Variants in PAM observed in about 807,000 individuals in gnomAD.
PAM encodes peptidylglycine alpha-amidating monooxygenase.
Under a neutral mutation model 122.1 loss-of-function variants are expected in PAM, and 72 were observed. The ratio of observed to expected loss-of-function variants is 0.59; its 90% CI spans 0.49 to 0.72. PAM has a LOEUF of 0.72. Ranked by LOEUF, PAM falls within the 30% of genes least tolerant of loss-of-function variation. PAM has a pLI of 0.00. For synonymous variants in PAM, 389 were observed against 404.4 expected (o/e 0.96, Z 0.46); for missense variants, 1,106 against 1,183.7 (o/e 0.93, Z 0.96).
At chr5:103,023,333 C>T (rs999095788) in intron 23 of PAM, among the ~76,000 whole-genome samples, 3 of 151,870 alleles carry the variant, frequency 2.0e-5, no homozygotes, top group African/African-American at 7.3e-5. Flanking sequence ...CTGGTAATAC[C>T]CACCTTCAAA....
In PAM at chr5:102,867,370, A is replaced by C. The variant is rs759259940; in HGVS notation, c.187A>C (p.Met63Leu). 1 of 1,610,066 alleles carries C rather than the reference A, an allele frequency of 6.2e-7. No homozygotes were observed. The highest frequency in any genetic ancestry group is 8.5e-7 in the Non-Finnish European group (1 of 1,176,496). The stretch of plus-strand genomic sequence containing the variant: ...ATCAGATTTTGCATTGGATATTCGC[A>C]TGCCTGGGGTTACACCTAAACAGGT... ...DSSDFALDIRMPGVTPKQSDT... is the reference protein window; with the variant it reads ...DSSDFALDIRLPGVTPKQSDT... The change falls in exon 3 of 26, where the codon ATG becomes CTG. Residue 63 changes from methionine to leucine, a missense_variant. By Grantham distance (15) the Met-to-Leu change is conservative (BLOSUM62 2). This residue lies in a region of PAM where 670 missense variants were observed against 690.3 expected (regional missense o/e 0.97). Transcript: ENST00000438793.
intron 1 of PAM, among the ~76,000 whole-genome samples, chr5:102,844,056 C>T (rs747356638): frequency 6.6e-6 from 1 of 152,066 alleles, no homozygotes; most frequent in Non-Finnish European, 1.5e-5. Flanking sequence ...CTGGAAACAA[C>T]CAAAATGTCC....
At chr5:102,944,611 A>G (rs78868629) in intron 7 of PAM, among the ~76,000 whole-genome samples, 1 of 152,142 alleles carries the variant, frequency 6.6e-6, no homozygotes, top group African/African-American at 2.4e-5. Context: ...ACTGACTTCA[A>G]GCCCAAAACT....
intron 1 of PAM, among the ~76,000 whole-genome samples, chr5:102,861,968 G>C (rs1784312176): frequency 6.6e-6 from 1 of 151,880 alleles, no homozygotes; most frequent in Non-Finnish European, 1.5e-5. Context: ...TCAGGAGTTC[G>C]AGACCAGCCT....
chr5:103,017,841 C>G (rs956163020), intron 22 of PAM, among the ~76,000 whole-genome samples: 2 of 152,042 alleles, frequency 1.3e-5, no homozygotes, highest in African/African-American at 4.8e-5. Flanking sequence ...ACATATTATC[C>G]CAAATATGAA....
intron 1 of PAM, chr5:102,838,715 CAG>C (rs1777741474): frequency 6.6e-6 from 1 of 152,092 alleles, no homozygotes; most frequent in African/African-American, 2.4e-5. Context: ...AAGAAGGAAA[CAG>C]TGAGGAGAAG....
intron 22 of PAM, among the ~76,000 whole-genome samples, chr5:103,017,710 G>A (rs930858091): frequency 6.6e-6 from 1 of 152,198 alleles, no homozygotes; most frequent in African/African-American, 2.4e-5. Flanking sequence ...AGTTCCAGAA[G>A]GAGAGAGGGG....
chr5:102,850,434 C>A (rs1422406081), intron 1 of PAM, among the ~76,000 whole-genome samples: 1 of 152,184 alleles, frequency 6.6e-6, no homozygotes, highest in Non-Finnish European at 1.5e-5. Flanking sequence ...TCTGCTTTAA[C>A]ATTCTTTTTT....
chr5:102,955,840 C>T (rs1760541034), intron 12 of PAM, among the ~76,000 whole-genome samples: 1 of 151,702 alleles, frequency 6.6e-6, no homozygotes. Flanking sequence ...TGTCAAAATA[C>T]TCCCTTAGGA....
chr5:102,872,178 G>A (rs2151016924), intron 3 of PAM, among the ~76,000 whole-genome samples: 1 of 152,116 alleles, frequency 6.6e-6, no homozygotes, highest in African/African-American at 2.4e-5. Flanking sequence ...TCTTTTAAAG[G>A]ACTCTTCAGA....
Position 102,833,496 on chromosome 5 carries a change from G to A in PAM, c.-373-32327G>A, listed in dbSNP as rs184187853. ...GAATAATGTGGAAGGGAAAGAACAC[G>A]TTGTGGGGATCAGATTCCATGTAAA... On this transcript the variant is annotated intron_variant, in intron 1 of 25. Coordinates refer to ENST00000438793, the MANE Select transcript of PAM (RefSeq NM_001177306.2). 4.3e-3 allele frequency among the ~76,000 whole-genome samples: 648 copies of A among 152,250 alleles called. 8 individuals carry two copies. The highest frequency in any genetic ancestry group is 5.2e-3 in the Admixed American group (79 of 15,292).
At chr5:103,015,988 A>G (rs1324286775) in intron 21 of PAM, among the ~76,000 whole-genome samples, 1 of 152,164 alleles carries the variant, frequency 6.6e-6, no homozygotes, top group Non-Finnish European at 1.5e-5. Context: ...AATTTCTAAG[A>G]ACATATTACG....
intron 1 of PAM, among the ~76,000 whole-genome samples, chr5:102,780,963 T>G (rs1264690024): frequency 6.6e-6 from 1 of 151,788 alleles, no homozygotes; most frequent in East Asian, 1.9e-4. Flanking sequence ...TTCTACCCCC[T>G]GGATGTCAGT....
At chr5:102,790,584 G>A (rs544310164) in intron 1 of PAM, among the ~76,000 whole-genome samples, 112 of 152,092 alleles carry the variant, frequency 7.4e-4, no homozygotes, top group Middle Eastern at 6.8e-3. Context: ...TCTTCATATG[G>A]TATTAGGTTA....
At chr5:102,860,160 T>C (rs886293377) in intron 1 of PAM, among the ~76,000 whole-genome samples, 3 of 152,018 alleles carry the variant, frequency 2.0e-5, no homozygotes, top group East Asian at 1.9e-4. Context: ...AGGGTAGAAA[T>C]TGAGGAAGGG....
intron 1 of PAM, among the ~76,000 whole-genome samples, chr5:102,763,714 A>T (rs1280319811): frequency 6.6e-6 from 1 of 152,156 alleles, no homozygotes; most frequent in Non-Finnish European, 1.5e-5. Context: ...CCCTTTACAG[A>T]AGGGAACAGA....
intron 1 of PAM, among the ~76,000 whole-genome samples, chr5:102,784,364 C>A (rs1461544427): frequency 6.6e-6 from 1 of 152,134 alleles, no homozygotes; most frequent in Non-Finnish European, 1.5e-5. Flanking sequence ...TTCAGTTTCC[C>A]CCCTTGCACC....
chr5:102,961,163 G>T lies in PAM; in HGVS notation c.1096G>T (p.Glu366Ter). ...VMMHEHHKET[E>*]YKDKIPLLQQ... is the part of the protein sequence containing the mutation. The stretch of plus-strand genomic sequence containing the variant: ...GCTTCTTTGATCCTTTACAGAAACA[G>T]AATATAAAGATAAGATTCCTTTACT... Residue 366 changes from glutamate to a stop codon, truncating the protein, a stop_gained, in exon 14 of 26, where the codon GAA becomes TAA. Transcript: ENST00000438793. LOFTEE classifies it high-confidence loss of function. 1 of 1,541,976 alleles carries T rather than the reference G, an allele frequency of 6.5e-7. No individual in the cohort carries two copies. Among genetic ancestry groups the T allele is most frequent in the East Asian group, 2.3e-5 (1 of 44,300 alleles).
At chr5:102,812,259 T>C (rs1768150282) in intron 1 of PAM, among the ~76,000 whole-genome samples, 1 of 152,192 alleles carries the variant, frequency 6.6e-6, no homozygotes, top group African/African-American at 2.4e-5. Flanking sequence ...GCAAAAATAG[T>C]TTCTTTTATT....
Sources: gnomAD v4.1 joint callset for allele counts (sites outside exome capture counted in the v4.1 genomes callset) on GRCh38, gnomAD v4.1.1 for gene constraint, gnomAD v4.1.1 regional missense constraint, MANE v1.5 for transcripts, NCBI Gene and HGNC (gene_info 2026-07-23, HGNC 2026-07-21) for gene names.